Variants in TAP2 observed in about 807,000 individuals in gnomAD.
The protein encoded by TAP2 is transporter 2, ATP binding cassette subfamily B member.
Under a neutral mutation model 74.7 loss-of-function variants are expected in TAP2, and 49 were observed. That is an observed-to-expected ratio of 0.66 (90% CI 0.52 to 0.83). TAP2 has a LOEUF of 0.83. Ranked by LOEUF, TAP2 falls within the 40% of genes least tolerant of loss-of-function variation. TAP2 has a pLI of 0.00. For missense variants in TAP2, 739 were observed against 859.0 expected (o/e 0.86, Z 1.75); for synonymous variants, 306 against 368.4 (o/e 0.83, Z 1.94).
At chr6:32,831,776 A>G (rs1474292403) in intron 7 of TAP2, among the ~76,000 whole-genome samples, 1 of 152,232 alleles carries the variant, frequency 6.6e-6, no homozygotes, top group Non-Finnish European at 1.5e-5. Flanking sequence ...GGATAGATAG[A>G]TAGACAGACA....
At chr6:32,821,983 T>C (rs11751981), downstream of TAP2, 1,443 of 351,892 alleles carry the variant, frequency 4.1e-3, 7 homozygotes, top group Middle Eastern at 0.011. Context: ...AGGGAAAGGA[T>C]GTAAGAAACA....
intron 5 of TAP2, among the ~76,000 whole-genome samples, chr6:32,833,778 T>C (rs906563425): frequency 6.6e-6 from 1 of 152,216 alleles, no homozygotes; most frequent in Non-Finnish European, 1.5e-5. Context: ...GATCTTGAAT[T>C]CCCATGTGTT....
In TAP2 at chr6:32,827,214, T is replaced by A. The variant is rs533339630; in HGVS notation, c.*1692A>T. ...ATATGAAGGTTTCTCTTTCCTAGAA[T>A]AGCAACTTTCCAAGGTAAGTCCCTC... On this transcript the variant is annotated 3_prime_UTR_variant, in exon 12 of 12. Coordinates refer to ENST00000374897, the MANE Select transcript of TAP2 (RefSeq NM_001290043.2). The A allele has an allele frequency of 3.6e-4, 358 of 985,474 alleles. 2 individuals are homozygous for A. In the African/African-American group the frequency reaches 6.0e-3, roughly 17 times the overall value. The allele number at this position is 985,474 out of a possible 1,614,324, so 61.0% of individuals were successfully genotyped here.
At chr6:32,833,333 AAAG>A (rs201813476) in intron 5 of TAP2, among the ~76,000 whole-genome samples, 2,282 of 152,348 alleles carry the variant, frequency 0.015, 33 homozygotes, top group Middle Eastern at 0.021. Context: ...TTTGTGCATC[AAAG>A]AACTCTAGCA....
rs1323190950 is a variant in TAP2, at chr6:32,832,685, C to T, written c.1085G>A (p.Cys362Tyr). 1 of 1,613,110 alleles carries T rather than the reference C, an allele frequency of 6.2e-7. No homozygotes were observed. Among genetic ancestry groups the T allele is most frequent in the Non-Finnish European group, 8.5e-7 (1 of 1,180,044 alleles). Reference protein sequence around the residue: ...VCRYKEALEQCRQLYWRRDLE... With the variant: ...VCRYKEALEQYRQLYWRRDLE... ...GTCTCTCCGCCAATACAGCTGCCGA[C>T]ATTGTTCAAGGGCCTCTTTATAGCG... The change falls in exon 6 of 12, where the codon TGT (cysteine) becomes TAT (tyrosine). Residue 362 changes from cysteine (C) to tyrosine (Y), a missense_variant. By Grantham distance (194) the Cys-to-Tyr change is radical (BLOSUM62 -2). Transcript: ENST00000374897. The surrounding 1 kb of genome is among the most constrained non-coding windows in gnomAD (Gnocchi z 5.9).
intron 5 of TAP2, among the ~76,000 whole-genome samples, chr6:32,834,013 T>G (rs1372732498): frequency 6.6e-6 from 1 of 152,238 alleles, no homozygotes; most frequent in Non-Finnish European, 1.5e-5. Flanking sequence ...CCAATAAACC[T>G]CTTTCTTTTG....
rs571772891 is a variant in TAP2, at chr6:32,835,187, T to C, written c.912A>G (p.Ile304Met). The C allele has an allele frequency of 2.5e-6, 4 of 1,612,974 alleles. No individual in the cohort carries two copies. The African/African-American group carries it at 4.0e-5, about 16-fold the overall frequency. Residue 304 changes from isoleucine to methionine, a missense_variant, in exon 5 of 12, where the codon ATA becomes ATG. Coordinates refer to ENST00000374897, the MANE Select transcript of TAP2 (RefSeq NM_001290043.2). The surrounding 1 kb of genome is among the most constrained non-coding windows in gnomAD (Gnocchi z 4.0). ...LLSLLHMPFT[I>M]AAEKVYNTRH... Reference sequence around the variant, plus strand: ...GGGTGTTGTACACCTTCTCCGCTGCTATTGTGAAGGGCATGTGCAGCAGAG... The same window carrying C: ...GGGTGTTGTACACCTTCTCCGCTGCCATTGTGAAGGGCATGTGCAGCAGAG...
chr6:32,830,577 G>A lies in TAP2; in HGVS notation c.1461+41C>T, dbSNP rs757448271. The A allele has an allele frequency of 5.6e-6, 9 of 1,611,932 alleles. No individual in the cohort carries two copies. In the South Asian group the frequency reaches 9.9e-5, roughly 18 times the overall value. ...TGTGATGTCCAATTATGCATTAGCA[G>A]CAGAGAGCAAGGGTCCAGGTTTCCT... On this transcript the variant is annotated intron_variant, in intron 8 of 11. Transcript: ENST00000374897.
Position 32,829,958 on chromosome 6 carries a change from G to C in TAP2, c.1767C>G (p.Ile589Met), listed in dbSNP as rs773755340. The change falls in exon 10 of 12, where the codon ATC (isoleucine) becomes ATG (methionine). Residue 589 changes from isoleucine (I) to methionine (M), a missense_variant. Physicochemically the swap from Ile to Met is conservative, Grantham distance 10. Transcript: ENST00000374897. ...AAQAAHADDF[I>M]QEMEHGIYTD... Reference sequence around the variant, plus strand: ...TGTATATTCCATGCTCCATTTCCTGGATGAAGTCATCTGCGTGGGCAGCCT... The same window carrying C: ...TGTATATTCCATGCTCCATTTCCTGCATGAAGTCATCTGCGTGGGCAGCCT... 3 of 1,613,090 alleles carry C rather than the reference G, an allele frequency of 1.9e-6. No individual in the cohort carries two copies. The African/African-American group carries it at 4.0e-5, about 22-fold the overall frequency.
rs755658620 is a variant in TAP2 at position 32,829,536 on chromosome 6, T to A, written c.1796A>T (p.Asp599Val). 3.1e-6 allele frequency: 5 copies of A among 1,614,086 alleles called. No homozygotes were observed. Among genetic ancestry groups the A allele is most frequent in the South Asian group, 1.1e-5 (1 of 91,066 alleles). Reference protein sequence around the residue: ...IQEMEHGIYTDVGEKGSQLAA... With the variant: ...IQEMEHGIYTVVGEKGSQLAA... Reference sequence around the variant, plus strand: ...CAGCTGGCTTCCCTTCTCCCCTACATCTGAGGAAATCAGAGAAATTCCCTT... The same window carrying A: ...CAGCTGGCTTCCCTTCTCCCCTACAACTGAGGAAATCAGAGAAATTCCCTT... Residue 599 changes from aspartate to valine, a missense_variant and splice_region_variant, in exon 11 of 12, where the codon GAT (aspartate) becomes GTT (valine). Asp to Val is a radical substitution (Grantham distance 152, BLOSUM62 -3). Coordinates refer to ENST00000374897, the MANE Select transcript of TAP2 (RefSeq NM_001290043.2).
chr6:32,831,699 TA>T (rs60737019), intron 7 of TAP2, among the ~76,000 whole-genome samples: 2,359 of 152,278 alleles, frequency 0.015, 32 homozygotes, highest in African/African-American at 0.034. Flanking sequence ...CTTCAACAAA[TA>T]AACTGTGCAA....
rs1301742491 is a variant in TAP2 at position 32,826,293 on chromosome 6, T to C, written c.*2613A>G. On this transcript the variant is annotated 3_prime_UTR_variant, in exon 12 of 12. Coordinates refer to ENST00000374897, the MANE Select transcript of TAP2 (RefSeq NM_001290043.2). ...CCGGGCAGACAGGCTATGGAGGTGT[T>C]TTGGCATCCAAGGAAATCTATCAGT... 1 of 985,308 alleles carries C rather than the reference T, an allele frequency of 1.0e-6. No homozygotes were observed. Among genetic ancestry groups the C allele is most frequent in the Non-Finnish European group, 1.2e-6 (1 of 829,946 alleles). 61.0% of individuals were successfully genotyped at this position (985,308 alleles called of 1,614,324 possible). A position where few individuals can be genotyped will look rare whatever the true frequency, so the allele number is the denominator to read the frequency against.
chr6:32,835,778 G>C lies in TAP2; in HGVS notation c.609-5C>G, dbSNP rs904089056. Reference sequence around the variant, plus strand: ...CGGCAGCCTGCAGACAGTGAGCTGTGGGGTAGGAGAATAAGAGGGGAGGGA... The same window carrying C: ...CGGCAGCCTGCAGACAGTGAGCTGTCGGGTAGGAGAATAAGAGGGGAGGGA... On this transcript the variant is annotated splice_polypyrimidine_tract_variant and splice_region_variant and intron_variant, in intron 3 of 11. Transcript: ENST00000374897. The surrounding 1 kb of genome is among the most constrained non-coding windows in gnomAD (Gnocchi z 4.0). 4 of 1,613,126 alleles carry C rather than the reference G, an allele frequency of 2.5e-6. No homozygotes were observed. The highest frequency in any genetic ancestry group is 3.4e-6 in the Non-Finnish European group (4 of 1,180,012).
rs1251972961 is a variant in TAP2 at position 32,832,126 on chromosome 6, T to C, written c.1272+207A>G. ...AACAAGATTGGGCATGAGTTGATCA[T>C]TGTTAAAGCACAGGATGTATACATG... On this transcript the variant is annotated intron_variant, in intron 7 of 11. Coordinates refer to ENST00000374897, the MANE Select transcript of TAP2 (RefSeq NM_001290043.2). The surrounding 1 kb of genome is among the most constrained non-coding windows in gnomAD (Gnocchi z 5.9). 6.6e-6 allele frequency among the ~76,000 whole-genome samples: 1 copy of C among 152,242 alleles called. No homozygotes were observed. The highest frequency in any genetic ancestry group is 1.5e-5 in the Non-Finnish European group (1 of 68,038).
Position 32,828,101 on chromosome 6 carries a change from G to A in TAP2, c.*805C>T, listed in dbSNP as rs182691460. On this transcript the variant is annotated 3_prime_UTR_variant, in exon 12 of 12. Transcript: ENST00000374897. ...GTTCAAACTCCAACTCCACCACTAC[G>A]ACCACCTTGGGAAAGTCATTGAGCC... 3.6e-6 allele frequency: 3 copies of A among 828,582 alleles called. No homozygotes were observed. Among genetic ancestry groups the A allele is most frequent in the Admixed American group, 6.2e-5 (1 of 16,056 alleles). The allele number at this position is 828,582 out of a possible 1,614,324, so 51.3% of individuals were successfully genotyped here.
chr6:32,837,503 G>A lies in TAP2; in HGVS notation c.608+34C>T, dbSNP rs755514320. 13 of 1,583,512 alleles carry A rather than the reference G, an allele frequency of 8.2e-6. No individual in the cohort carries two copies. The Admixed American group carries it at 2.2e-4, about 27-fold the overall frequency. On this transcript the variant is annotated intron_variant, in intron 3 of 11. Coordinates refer to ENST00000374897, the MANE Select transcript of TAP2 (RefSeq NM_001290043.2). ...AGTGAAGACCCCTATAAAGATTTGG[G>A]GCTAGCAAATGGACCCAGCTGCCCA... is the stretch of plus-strand genomic sequence containing the variant.
At chr6:32,824,498 C>T (rs558795462), downstream of TAP2, among the ~76,000 whole-genome samples, 3 of 152,010 alleles carry the variant, frequency 2.0e-5, no homozygotes, top group South Asian at 6.2e-4. Flanking sequence ...TCCTTTAACT[C>T]CCATATTTAA....
At position 32,835,037 on chromosome 6, in the gene TAP2, C is replaced by T; in HGVS notation, c.945+117G>A. The T allele has an allele frequency of 9.5e-7, 1 of 1,047,706 alleles. No individual in the cohort carries two copies. Among genetic ancestry groups the T allele is most frequent in the Non-Finnish European group, 1.5e-6 (1 of 688,034 alleles). The allele number at this position is 1,047,706 out of a possible 1,614,324, so 64.9% of individuals were successfully genotyped here. A position where few individuals can be genotyped will look rare whatever the true frequency, so the allele number is the denominator to read the frequency against. ...AGTATATACTACAATATACCTTCTC[C>T]CCTAATGGCTGAGAAGAGAACATCT... On this transcript the variant is annotated intron_variant, in intron 5 of 11. Coordinates refer to ENST00000374897, the MANE Select transcript of TAP2 (RefSeq NM_001290043.2). This position sits in a 1 kb window ranked among gnomAD's most constrained non-coding sequence, Gnocchi z 4.0.
At position 32,835,345 on chromosome 6, in the gene TAP2, G is replaced by A. The variant is rs745356167; in HGVS notation, c.754C>T (p.Arg252Trp). The change falls in exon 5 of 12, where the codon CGG becomes TGG. Residue 252 changes from arginine to tryptophan, a missense_variant. Physicochemically the swap from Arg to Trp is moderately radical, Grantham distance 101 (BLOSUM62 -3). Transcript: ENST00000374897. This position sits in a 1 kb window ranked among gnomAD's most constrained non-coding sequence, Gnocchi z 4.0. ...ATCAGGGTGGTATCCGAGCTCAGCC[G>A]TGAGTTCAGCTCCCCTAAGAAGGAC... ...QETKTGELNS[R>W]LSSDTTLMSN... 3.6e-5 allele frequency: 58 copies of A among 1,612,956 alleles called. No homozygotes were observed. The highest frequency in any genetic ancestry group is 1.6e-4 in the Middle Eastern group (1 of 6,084).
Sources: allele counts gnomAD v4.1 joint callset (sites outside exome capture counted in the v4.1 genomes callset), GRCh38; gene constraint gnomAD v4.1.1; non-coding constraint Gnocchi (gnomAD v3.1); transcripts MANE v1.5; gene names NCBI Gene and HGNC (gene_info 2026-07-23, HGNC 2026-07-21).